NXPH1: variants seen among roughly 807,000 people sequenced by gnomAD.
The protein encoded by NXPH1 is neurexophilin 1, also known as neurexophilin-1.
In NXPH1, 5 loss-of-function variants were observed where a neutral mutation model predicts 23.7. That is an observed-to-expected ratio of 0.21 (90% CI 0.11 to 0.44). The LOEUF is 0.44. NXPH1 is among the 20% of genes least tolerant of loss of function. NXPH1 has a pLI of 0.99. For missense variants in NXPH1, 324 were observed against 321.6 expected, an observed-to-expected ratio of 1.01 and a Z score of -0.06; for synonymous variants, 144 against 122.2, an observed-to-expected ratio of 1.18 and a Z score of -1.18.
intron 2 of NXPH1, among the ~76,000 whole-genome samples, chr7:8,468,740 T>C (rs1314802726): frequency 1.3e-5 from 2 of 152,052 alleles, no homozygotes; most frequent in African/African-American, 4.8e-5. Flanking sequence ...TTTTTTTATT[T>C]GTAAGTTTTT....
At chr7:8,672,495 T>C (rs1351209418) in intron 2 of NXPH1, among the ~76,000 whole-genome samples, 1 of 150,250 alleles carries the variant, frequency 6.7e-6, no homozygotes, top group Non-Finnish European at 1.5e-5. Context: ...AAAAAAACCA[T>C]AAAACACACC....
intron 2 of NXPH1, among the ~76,000 whole-genome samples, chr7:8,459,147 G>A (rs1445485044): frequency 6.6e-6 from 1 of 151,396 alleles, no homozygotes; most frequent in Non-Finnish European, 1.5e-5. Flanking sequence ...GGTTGTCTCT[G>A]TGGTCTAATA....
Position 8,484,607 on chromosome 7 carries a change from G to T in NXPH1, c.54+48840G>T, listed in dbSNP as rs1339353290. Among the ~76,000 whole-genome samples, 3 of 152,152 alleles carry T rather than the reference G, an allele frequency of 2.0e-5. No individual in the cohort carries two copies. In the East Asian group the frequency reaches 5.8e-4, roughly 29 times the overall value. ...ATAACCACTTCATAAGTTGCTTAAG[G>T]GTTATTTATTTACTGAACTTGTTTG... On this transcript the variant is annotated intron_variant, in intron 2 of 2. Transcript: ENST00000405863.
intron 2 of NXPH1, among the ~76,000 whole-genome samples, chr7:8,703,246 G>A (rs920192484): frequency 9.2e-5 from 14 of 152,016 alleles, no homozygotes; most frequent in African/African-American, 2.9e-4. Context: ...GATTCTGATC[G>A]CTACCACACC....
chr7:8,675,354 T>G (rs1252749166), intron 2 of NXPH1, among the ~76,000 whole-genome samples: 2 of 152,110 alleles, frequency 1.3e-5, no homozygotes, highest in Non-Finnish European at 2.9e-5. Flanking sequence ...TTTTTAGGCA[T>G]AAGCCAATAA....
At chr7:8,692,597 C>T (rs1290498897) in intron 2 of NXPH1, among the ~76,000 whole-genome samples, 1 of 152,068 alleles carries the variant, frequency 6.6e-6, no homozygotes, top group Middle Eastern at 3.2e-3. Context: ...TTTTCTTGGC[C>T]TATTATCTGG....
chr7:8,726,604 T>C (rs1228182381), intron 2 of NXPH1, among the ~76,000 whole-genome samples: 1 of 149,676 alleles, frequency 6.7e-6, no homozygotes. Context: ...TTTGTTCTTG[T>C]GATAGTTTAC....
chr7:8,727,830 T>G (rs1381709056), intron 2 of NXPH1, among the ~76,000 whole-genome samples: 3 of 152,074 alleles, frequency 2.0e-5, no homozygotes, highest in Non-Finnish European at 4.4e-5. Flanking sequence ...GGCTCTTTTT[T>G]GGTTCCATAT....
chr7:8,532,797 T>C (rs1292962889), intron 2 of NXPH1, among the ~76,000 whole-genome samples: 2 of 152,124 alleles, frequency 1.3e-5, no homozygotes, highest in African/African-American at 4.8e-5. Flanking sequence ...AATTACATAT[T>C]TTTATACCTC....
chr7:8,645,228 A>G (rs1820377969), intron 2 of NXPH1, among the ~76,000 whole-genome samples: 1 of 152,192 alleles, frequency 6.6e-6, no homozygotes, highest in Non-Finnish European at 1.5e-5. Flanking sequence ...CACATCTTTA[A>G]TTTTATTAGA....
intron 2 of NXPH1, among the ~76,000 whole-genome samples, chr7:8,604,106 C>T (rs28411705): frequency 6.6e-6 from 1 of 151,978 alleles, no homozygotes; most frequent in African/African-American, 2.4e-5. Flanking sequence ...ATCCTTTCTT[C>T]TAAAGACTAA....
chr7:8,714,965 C>T (rs1366139340), intron 2 of NXPH1, among the ~76,000 whole-genome samples: 1 of 152,066 alleles, frequency 6.6e-6, no homozygotes, highest in Non-Finnish European at 1.5e-5. Context: ...CTCATTAGGT[C>T]ACATGCCCCT....
intron 2 of NXPH1, among the ~76,000 whole-genome samples, chr7:8,563,580 G>A (rs774820132): frequency 6.6e-6 from 1 of 151,784 alleles, no homozygotes; most frequent in Non-Finnish European, 1.5e-5. Context: ...GAGCAATAAG[G>A]TGTGAAAAAA....
At chr7:8,463,463 C>T (rs181974047) in intron 2 of NXPH1, among the ~76,000 whole-genome samples, 10 of 151,864 alleles carry the variant, frequency 6.6e-5, no homozygotes, top group African/African-American at 2.2e-4. Flanking sequence ...ATTATAAATT[C>T]TTGGAAGTGA....
At chr7:8,721,844 C>A (rs926842888) in intron 2 of NXPH1, among the ~76,000 whole-genome samples, 4 of 152,208 alleles carry the variant, frequency 2.6e-5, no homozygotes, top group African/African-American at 9.6e-5. Flanking sequence ...TCATACCTTC[C>A]TTTAACATTA....
At chr7:8,625,559 G>A (rs983365162) in intron 2 of NXPH1, among the ~76,000 whole-genome samples, 5 of 152,156 alleles carry the variant, frequency 3.3e-5, no homozygotes, top group Non-Finnish European at 7.4e-5. Context: ...ACAGTCTCAA[G>A]TAGACTATAA....
intron 2 of NXPH1, among the ~76,000 whole-genome samples, chr7:8,579,059 C>T (rs929179301): frequency 2.6e-5 from 4 of 152,164 alleles, no homozygotes; most frequent in Admixed American, 6.5e-5. Flanking sequence ...CACCTTAGAC[C>T]ACTCAGTACC....
intron 2 of NXPH1, among the ~76,000 whole-genome samples, chr7:8,750,108 A>C (rs1780538736): frequency 1.3e-5 from 2 of 152,182 alleles, no homozygotes; most frequent in African/African-American, 4.8e-5. Context: ...TTCCTAGATC[A>C]CATGTTAAGC....
At chr7:8,590,830 A>G (rs1412777085) in intron 2 of NXPH1, among the ~76,000 whole-genome samples, 1 of 152,040 alleles carries the variant, frequency 6.6e-6, no homozygotes, top group Non-Finnish European at 1.5e-5. Flanking sequence ...TAAAAATGGT[A>G]TTGAGGAATA....
Sources: allele counts gnomAD v4.1 joint callset (sites outside exome capture counted in the v4.1 genomes callset), GRCh38; gene constraint gnomAD v4.1.1; transcripts MANE v1.5; gene names NCBI Gene and HGNC (gene_info 2026-07-23, HGNC 2026-07-21).